CTNNA3: variants seen among roughly 807,000 people sequenced by gnomAD.
CTNNA3 encodes the protein catenin alpha 3.
In CTNNA3, 76 loss-of-function variants were observed where a neutral mutation model predicts 95.7. The observed-to-expected ratio is 0.79, with a 90% confidence interval of 0.66 to 0.96. CTNNA3 has a LOEUF of 0.96. Ranked by LOEUF, CTNNA3 falls within the 40% of genes least tolerant of loss-of-function variation. The pLI is 0.00. For synonymous variants in CTNNA3, 431 were observed against 374.4 expected, an observed-to-expected ratio of 1.15 and a Z score of -1.74; for missense variants, 1,191 against 1,089.8, an observed-to-expected ratio of 1.09 and a Z score of -1.31.
intron 13 of CTNNA3, among the ~76,000 whole-genome samples, chr10:66,131,594 C>A (rs777271378): frequency 6.6e-6 from 1 of 151,990 alleles, no homozygotes; most frequent in African/African-American, 2.4e-5. Flanking sequence ...ATAGCCAAGG[C>A]AATTATAAAC....
At chr10:67,463,742 C>G (rs1350578495) in intron 5 of CTNNA3, among the ~76,000 whole-genome samples, 1 of 152,116 alleles carries the variant, frequency 6.6e-6, no homozygotes, top group Non-Finnish European at 1.5e-5. Context: ...GCTTTGCAGG[C>G]CATATAGTCT....
At chr10:66,525,297 T>G (rs1365197453) in intron 10 of CTNNA3, among the ~76,000 whole-genome samples, 8 of 152,058 alleles carry the variant, frequency 5.3e-5, no homozygotes, top group Admixed American at 6.6e-5. Flanking sequence ...ACGATAATAA[T>G]AAAATACTAA....
chr10:66,236,979 A>T lies in CTNNA3; in HGVS notation c.1884+43491T>A, dbSNP rs115230404. ...AAAATTAAAAAAAAAACTTAAAAAG[A>T]TTAGCTGGGCATGGTGATCCACACC... On this transcript the variant is annotated intron_variant, in intron 13 of 17. Coordinates refer to ENST00000433211, the MANE Select transcript of CTNNA3 (RefSeq NM_013266.4). Among the ~76,000 whole-genome samples the T allele has an allele frequency of 1.8e-3, 275 of 151,882 alleles. 2 individuals are homozygous for T. Among genetic ancestry groups the T allele is most frequent in the African/African-American group, 6.5e-3 (269 of 41,450 alleles).
chr10:66,841,445 T>C (rs1226682422), intron 7 of CTNNA3, among the ~76,000 whole-genome samples: 1 of 152,202 alleles, frequency 6.6e-6, no homozygotes, highest in Admixed American at 6.5e-5. Context: ...TTCATTCAAA[T>C]GGATGATTGA....
At chr10:67,720,409 T>C (rs1014565735) in intron 1 of CTNNA3, among the ~76,000 whole-genome samples, 8 of 151,806 alleles carry the variant, frequency 5.3e-5, no homozygotes, top group African/African-American at 1.9e-4. Context: ...TGATGCTAGC[T>C]GGTTATTTTG....
chr10:67,573,430 GT>G (rs777286364), intron 3 of CTNNA3, among the ~76,000 whole-genome samples: 3 of 152,102 alleles, frequency 2.0e-5, no homozygotes, highest in Non-Finnish European at 2.9e-5. Flanking sequence ...CATAGCTTAT[GT>G]TTTCTTTTTT....
intron 13 of CTNNA3, among the ~76,000 whole-genome samples, chr10:66,133,948 T>C (rs759524458): frequency 2.6e-5 from 4 of 152,148 alleles, no homozygotes; most frequent in Non-Finnish European, 5.9e-5. Context: ...GGATAAATTA[T>C]TTACATCCTC....
chr10:66,174,552 T>C (rs557154704), intron 13 of CTNNA3, among the ~76,000 whole-genome samples: 8 of 152,248 alleles, frequency 5.3e-5, no homozygotes, highest in Non-Finnish European at 1.0e-4. Flanking sequence ...TTGAACAACA[T>C]GGGTTTGAAC....
chr10:66,600,930 A>G (rs1843899397), intron 10 of CTNNA3, among the ~76,000 whole-genome samples: 1 of 151,896 alleles, frequency 6.6e-6, no homozygotes, highest in Non-Finnish European at 1.5e-5. Context: ...GAGTAAATTA[A>G]ACTCTGATGA....
At chr10:67,387,277 G>T (rs975452107) in intron 5 of CTNNA3, among the ~76,000 whole-genome samples, 1 of 152,128 alleles carries the variant, frequency 6.6e-6, no homozygotes, top group Non-Finnish European at 1.5e-5. Context: ...TTCCCTTTCC[G>T]AGTCAAAGAA....
chr10:66,218,432 T>G (rs1038197503), intron 13 of CTNNA3, among the ~76,000 whole-genome samples: 13 of 152,152 alleles, frequency 8.5e-5, no homozygotes, highest in South Asian at 4.1e-4. Flanking sequence ...TCTCTTCATA[T>G]GGCCTGAAGG....
intron 12 of CTNNA3, among the ~76,000 whole-genome samples, chr10:66,375,089 T>C (rs1044197215): frequency 2.0e-5 from 3 of 152,004 alleles, no homozygotes; most frequent in Non-Finnish European, 2.9e-5. Context: ...TTTCTTGAAA[T>C]ATGCATAGAA....
At chr10:66,549,368 C>G (rs1195411525) in intron 10 of CTNNA3, among the ~76,000 whole-genome samples, 1 of 151,994 alleles carries the variant, frequency 6.6e-6, no homozygotes, top group African/African-American at 2.4e-5. Flanking sequence ...TTGTAATAAC[C>G]CCTTTTCTAT....
intron 11 of CTNNA3, among the ~76,000 whole-genome samples, chr10:66,435,343 C>T (rs1224243942): frequency 6.6e-6 from 1 of 152,044 alleles, no homozygotes; most frequent in Non-Finnish European, 1.5e-5. Flanking sequence ...TTGTTCTGTT[C>T]AGAGATTCGA....
At chr10:66,891,182 AG>A (rs746891541) in intron 7 of CTNNA3, among the ~76,000 whole-genome samples, 2 of 152,316 alleles carry the variant, frequency 1.3e-5, no homozygotes, top group Non-Finnish European at 2.9e-5. Context: ...TGTGCATCAA[AG>A]ATGTTAATAT....
At chr10:67,713,579 A>G (rs1841125076) in intron 1 of CTNNA3, among the ~76,000 whole-genome samples, 1 of 152,248 alleles carries the variant, frequency 6.6e-6, no homozygotes, top group Admixed American at 6.5e-5. Flanking sequence ...TGTGGCACAT[A>G]TACACCATGG....
intron 13 of CTNNA3, among the ~76,000 whole-genome samples, chr10:66,176,981 T>C (rs2085747052): frequency 6.6e-6 from 1 of 152,040 alleles, no homozygotes; most frequent in South Asian, 2.1e-4. Flanking sequence ...TGTTCTTACT[T>C]AAAAGGAACT....
upstream of CTNNA3, among the ~76,000 whole-genome samples, chr10:67,700,889 A>T (rs191372801): frequency 3.6e-3 from 543 of 152,310 alleles, 7 homozygotes; most frequent in African/African-American, 0.012. Flanking sequence ...AAAAATTTAG[A>T]CGAATATATA....
At chr10:66,062,175 A>G (rs892593058) in intron 15 of CTNNA3, among the ~76,000 whole-genome samples, 3 of 152,216 alleles carry the variant, frequency 2.0e-5, no homozygotes. Context: ...GATACAGTAC[A>G]CAGTAAGCAC....
Sources: gnomAD v4.1 joint callset for allele counts (sites outside exome capture counted in the v4.1 genomes callset) on GRCh38, gnomAD v4.1.1 for gene constraint, MANE v1.5 for transcripts, NCBI Gene and HGNC (gene_info 2026-07-23, HGNC 2026-07-21) for gene names.